The following LUZP2 variants were observed in gnomAD, a reference collection of about 807,000 sequenced individuals.
The protein encoded by LUZP2 is leucine zipper protein 2.
Under a neutral mutation model 51.6 loss-of-function variants are expected in LUZP2, and 52 were observed. The ratio of observed to expected loss-of-function variants is 1.01; its 90% CI spans 0.81 to 1.27. The LOEUF (loss-of-function observed/expected upper bound fraction) is 1.27, where lower values mean the gene tolerates loss of function less well. Among genes scored for constraint, LUZP2 ranks in the 50% most tolerant of loss-of-function variants. The pLI is 0.00. For synonymous variants in LUZP2, 154 were observed against 137.3 expected (o/e 1.12, Z -0.85); for missense variants, 436 against 395.4 (o/e 1.10, Z -0.87).
chr11:24,527,875 A>G (rs570723641), intron 1 of LUZP2, among the ~76,000 whole-genome samples: 7 of 151,388 alleles, frequency 4.6e-5, no homozygotes, highest in Admixed American at 6.6e-5. Context: ...AGCTCAGGAT[A>G]CAAATGGAGC....
chr11:24,537,830 T>C (rs781089859), intron 1 of LUZP2, among the ~76,000 whole-genome samples: 30 of 151,878 alleles, frequency 2.0e-4, no homozygotes, highest in Non-Finnish European at 4.3e-4. Flanking sequence ...AAAATAGAGC[T>C]TTATCCTTAA....
chr11:24,681,428 G>A (rs1446368865), intron 1 of LUZP2, among the ~76,000 whole-genome samples: 1 of 152,134 alleles, frequency 6.6e-6, no homozygotes, highest in Non-Finnish European at 1.5e-5. Flanking sequence ...TCTTTCTTTT[G>A]AGCTTTTCAA....
chr11:24,808,639 G>A (rs1246640542), intron 5 of LUZP2, among the ~76,000 whole-genome samples: 1 of 151,582 alleles, frequency 6.6e-6, no homozygotes, highest in Non-Finnish European at 1.5e-5. Context: ...AACCTATCTG[G>A]CCCATGGGCT....
At chr11:24,833,751 A>G (rs545119418) in intron 5 of LUZP2, among the ~76,000 whole-genome samples, 2 of 150,048 alleles carry the variant, frequency 1.3e-5, no homozygotes, top group African/African-American at 4.9e-5. Context: ...TTGTGCAAAC[A>G]AACAGAAAAA....
At position 24,500,375 on chromosome 11, in the gene LUZP2, T is replaced by A. The variant is rs540445437; in HGVS notation, c.62+3070T>A. 2.4e-3 allele frequency among the ~76,000 whole-genome samples: 367 copies of A among 152,306 alleles called. 1 individual carries two copies. Among genetic ancestry groups the A allele is most frequent in the Non-Finnish European group, 4.1e-3 (278 of 68,022 alleles). ...AACTAATACAGAAACTCATTTAAAC[T>A]GTACACAAATAAATGTGATCAAAGA... On this transcript the variant is annotated intron_variant, in intron 1 of 11. Coordinates refer to ENST00000336930, the MANE Select transcript of LUZP2 (RefSeq NM_001009909.4).
chr11:24,894,279 A>G (rs1590699309), intron 5 of LUZP2, among the ~76,000 whole-genome samples: 1 of 151,712 alleles, frequency 6.6e-6, no homozygotes, highest in East Asian at 1.9e-4. Context: ...GGTTCAAGCA[A>G]TTCTCCTTCC....
At chr11:25,017,016 A>G (rs1404543661) in intron 9 of LUZP2, among the ~76,000 whole-genome samples, 3 of 151,880 alleles carry the variant, frequency 2.0e-5, no homozygotes, top group Non-Finnish European at 2.9e-5. Context: ...GCATTTCCCT[A>G]ATGATTAGTG....
intron 5 of LUZP2, among the ~76,000 whole-genome samples, chr11:24,894,653 G>A (rs1204484578): frequency 6.9e-6 from 1 of 145,468 alleles, no homozygotes; most frequent in Non-Finnish European, 1.5e-5. Flanking sequence ...TTATCTTTAT[G>A]TCTATGAGTA....
chr11:25,042,168 GA>G (rs1245773750), intron 9 of LUZP2, among the ~76,000 whole-genome samples: 2 of 151,186 alleles, frequency 1.3e-5, no homozygotes, highest in Non-Finnish European at 2.9e-5. Context: ...ACAGACTATG[GA>G]AAAAATCAAG....
intron 4 of LUZP2, among the ~76,000 whole-genome samples, chr11:24,753,551 T>C (rs1293550674): frequency 6.6e-6 from 1 of 152,188 alleles, no homozygotes; most frequent in African/African-American, 2.4e-5. Context: ...GCCTTCTGTT[T>C]TACAGTACTA....
At chr11:24,794,754 G>C (rs999485983) in intron 5 of LUZP2, among the ~76,000 whole-genome samples, 1 of 151,974 alleles carries the variant, frequency 6.6e-6, no homozygotes, top group African/African-American at 2.4e-5. Context: ...TCTCTCATAA[G>C]TTTCTTTCAA....
intron 5 of LUZP2, chr11:24,786,540 T>C: frequency 6.5e-6 from 4 of 611,820 alleles, no homozygotes; most frequent in Non-Finnish European, 8.1e-6. Flanking sequence ...CACAAATATA[T>C]AATATATAAA....
At chr11:24,942,693 C>T (rs925459185) in intron 7 of LUZP2, among the ~76,000 whole-genome samples, 4 of 151,892 alleles carry the variant, frequency 2.6e-5, no homozygotes, top group East Asian at 1.9e-4. Flanking sequence ...TTTTCTTAAA[C>T]GTAGCTTTCA....
chr11:24,877,112 A>C (rs1852296489), intron 5 of LUZP2, among the ~76,000 whole-genome samples: 1 of 152,216 alleles, frequency 6.6e-6, no homozygotes, highest in Admixed American at 6.6e-5. Flanking sequence ...AGAAATATGT[A>C]ATACTATAAT....
intron 1 of LUZP2, among the ~76,000 whole-genome samples, chr11:24,592,836 T>C (rs1291401636): frequency 6.6e-6 from 1 of 152,130 alleles, no homozygotes; most frequent in Non-Finnish European, 1.5e-5. Flanking sequence ...ATCACAGGGA[T>C]AGGCAATGAA....
intron 5 of LUZP2, among the ~76,000 whole-genome samples, chr11:24,833,655 C>A (rs1377439625): frequency 6.6e-6 from 1 of 152,008 alleles, no homozygotes; most frequent in Non-Finnish European, 1.5e-5. Context: ...TGTAGTGGAG[C>A]TCAGACACCC....
chr11:24,527,280 A>G (rs1038310053), intron 1 of LUZP2, among the ~76,000 whole-genome samples: 1 of 151,364 alleles, frequency 6.6e-6, no homozygotes, highest in African/African-American at 2.4e-5. Context: ...CAATAGTGGG[A>G]ACTTTTCTGA....
At chr11:24,923,393 C>CAT (rs1360807143) in intron 7 of LUZP2, among the ~76,000 whole-genome samples, 2 of 151,874 alleles carry the variant, frequency 1.3e-5, no homozygotes, top group Non-Finnish European at 2.9e-5. Flanking sequence ...GTCTTGAAGC[C>CAT]ATAGCTACAA....
intron 10 of LUZP2, among the ~76,000 whole-genome samples, chr11:25,053,066 TAAAG>T (rs1056404419): frequency 6.6e-6 from 1 of 152,018 alleles, no homozygotes; most frequent in Non-Finnish European, 1.5e-5. Context: ...TAAAAATAAT[TAAAG>T]AGAGAGTAAA....
Sources: gnomAD v4.1 joint callset for allele counts (sites outside exome capture counted in the v4.1 genomes callset) on GRCh38, gnomAD v4.1.1 for gene constraint, MANE v1.5 for transcripts, NCBI Gene and HGNC (gene_info 2026-07-23, HGNC 2026-07-21) for gene names.